NMNAT2: variants seen among roughly 807,000 people sequenced by gnomAD.
NMNAT2 encodes the protein nicotinamide/nicotinic acid mononucleotide adenylyltransferase 2.
A neutral mutation model predicts 41.6 loss-of-function variants in NMNAT2; 11 were observed. The ratio of observed to expected loss-of-function variants is 0.26; its 90% CI spans 0.17 to 0.44. The LOEUF (loss-of-function observed/expected upper bound fraction) is 0.44. Ranked by LOEUF, NMNAT2 falls within the 20% of genes least tolerant of loss-of-function variation. NMNAT2 has a pLI of 1.00. For synonymous variants in NMNAT2, 148 were observed against 151.2 expected (o/e 0.98, Z 0.16); for missense variants, 288 against 407.7 (o/e 0.71, Z 2.53).
chr1:183,412,135 G>C (rs1649133717), intron 1 of NMNAT2, among the ~76,000 whole-genome samples: 1 of 152,250 alleles, frequency 6.6e-6, no homozygotes, highest in Admixed American at 6.5e-5. Context: ...TTGATTGACA[G>C]AGATACGGAG....
chr1:183,397,307 G>A (rs1446193149), intron 1 of NMNAT2, among the ~76,000 whole-genome samples: 8 of 152,048 alleles, frequency 5.3e-5, no homozygotes, highest in African/African-American at 1.9e-4. Context: ...TACCTAACGG[G>A]TATCAGTGAT....
chr1:183,405,145 A>G (rs1298786777), intron 1 of NMNAT2, among the ~76,000 whole-genome samples: 2 of 152,170 alleles, frequency 1.3e-5, no homozygotes, highest in Non-Finnish European at 2.9e-5. Context: ...ACGTGAGCCC[A>G]GGAGGTCAAG....
At chr1:183,382,750 C>T (rs1663828518) in intron 1 of NMNAT2, among the ~76,000 whole-genome samples, 1 of 152,208 alleles carries the variant, frequency 6.6e-6, no homozygotes, top group Admixed American at 6.5e-5. Context: ...TCATATCCAG[C>T]CCACCCATCA....
At chr1:183,388,957 C>T (rs1648341637) in intron 1 of NMNAT2, among the ~76,000 whole-genome samples, 1 of 152,076 alleles carries the variant, frequency 6.6e-6, no homozygotes, top group Non-Finnish European at 1.5e-5. Flanking sequence ...CAACGTGATT[C>T]CATTACCCTC....
chr1:183,256,416 AT>A (rs1228723400), intron 10 of NMNAT2, among the ~76,000 whole-genome samples: 32 of 152,348 alleles, frequency 2.1e-4, no homozygotes, highest in African/African-American at 7.0e-4. Flanking sequence ...CTCAAAAAAA[AT>A]AATAAAAAAA....
At chr1:183,317,027 C>T (rs547679070) in intron 1 of NMNAT2, among the ~76,000 whole-genome samples, 6 of 152,284 alleles carry the variant, frequency 3.9e-5, no homozygotes, top group African/African-American at 1.2e-4. Flanking sequence ...GTTACCTGAT[C>T]CACATACATT....
chr1:183,395,245 C>A (rs754871397), intron 1 of NMNAT2, among the ~76,000 whole-genome samples: 1 of 152,006 alleles, frequency 6.6e-6, no homozygotes, highest in African/African-American at 2.4e-5. Context: ...GTTTAACTAG[C>A]AGTGGTGGAT....
intron 8 of NMNAT2, chr1:183,266,804 C>A: frequency 1.0e-5 from 2 of 195,172 alleles, no homozygotes; most frequent in South Asian, 7.2e-5. Flanking sequence ...CTTCCATGGC[C>A]TGGATCTTAC....
intron 1 of NMNAT2, among the ~76,000 whole-genome samples, chr1:183,300,881 C>T (rs138108176): frequency 6.6e-6 from 1 of 152,266 alleles, no homozygotes; most frequent in Non-Finnish European, 1.5e-5. Context: ...GTTGTGTTGT[C>T]TAAAGCTGTG....
chr1:183,354,463 G>C (rs187814389), intron 1 of NMNAT2, among the ~76,000 whole-genome samples: 1 of 143,964 alleles, frequency 6.9e-6, no homozygotes, highest in Non-Finnish European at 1.5e-5. Flanking sequence ...CCAGGCTGGA[G>C]TGCAGTGGTG....
At chr1:183,297,348 A>G (rs1415129256) in intron 1 of NMNAT2, among the ~76,000 whole-genome samples, 4 of 151,622 alleles carry the variant, frequency 2.6e-5, no homozygotes, top group African/African-American at 9.7e-5. Context: ...CCAAGTCTAC[A>G]TAAACTCTTC....
At chr1:183,395,581 A>G (rs994416048) in intron 1 of NMNAT2, among the ~76,000 whole-genome samples, 1 of 152,176 alleles carries the variant, frequency 6.6e-6, no homozygotes, top group African/African-American at 2.4e-5. Context: ...ACTGAAATTT[A>G]CATCACTTGT....
intron 1 of NMNAT2, among the ~76,000 whole-genome samples, chr1:183,389,760 GA>G (rs1648387551): frequency 5.0e-5 from 1 of 19,940 alleles, no homozygotes; most frequent in East Asian, 1.8e-3. Flanking sequence ...AAGAAAGAAA[GA>G]AAGAAAGAAA....
At chr1:183,269,779 C>A (rs545555114) in intron 8 of NMNAT2, among the ~76,000 whole-genome samples, 2 of 152,214 alleles carry the variant, frequency 1.3e-5, no homozygotes, top group Non-Finnish European at 2.9e-5. Flanking sequence ...GCACAGCTAA[C>A]GAGTGAATGT....
At chr1:183,411,803 A>C (rs1649125260) in intron 1 of NMNAT2, among the ~76,000 whole-genome samples, 1 of 152,220 alleles carries the variant, frequency 6.6e-6, no homozygotes, top group Admixed American at 6.5e-5. Flanking sequence ...AAAAGATATA[A>C]GTAGAGCAGA....
At chr1:183,283,514 G>A (rs1661320988) in intron 7 of NMNAT2, 1 of 188,164 alleles carries the variant, frequency 5.3e-6, no homozygotes, top group Admixed American at 6.5e-5. Context: ...TATTGGGTTG[G>A]GCAGGCAGCC....
At chr1:183,258,936 G>A (rs1289945625) in intron 10 of NMNAT2, among the ~76,000 whole-genome samples, 1 of 152,152 alleles carries the variant, frequency 6.6e-6, no homozygotes, top group Non-Finnish European at 1.5e-5. Flanking sequence ...CAGGGAGACT[G>A]ATTTGATAAC....
intron 1 of NMNAT2, among the ~76,000 whole-genome samples, chr1:183,311,873 T>TA (rs1436868049): frequency 6.6e-6 from 1 of 150,818 alleles, no homozygotes; most frequent in Admixed American, 6.6e-5. Context: ...CGGTGGGAGG[T>TA]AATTGAATCA....
intron 1 of NMNAT2, among the ~76,000 whole-genome samples, chr1:183,374,920 ATG>A (rs1448804129): frequency 6.6e-6 from 1 of 152,172 alleles, no homozygotes; most frequent in Non-Finnish European, 1.5e-5. Flanking sequence ...TAGGAATAGG[ATG>A]TGTGTTGATA....
Sources: gnomAD v4.1 joint callset for allele counts (sites outside exome capture counted in the v4.1 genomes callset) on GRCh38, gnomAD v4.1.1 for gene constraint, MANE v1.5 for transcripts, NCBI Gene and HGNC (gene_info 2026-07-23, HGNC 2026-07-21) for gene names.